GMDS: variants seen among roughly 807,000 people sequenced by gnomAD.
GMDS encodes GDP-mannose 4,6 dehydratase.
Under a neutral mutation model 49.9 loss-of-function variants are expected in GMDS, and 20 were observed. That is an observed-to-expected ratio of 0.40 (90% CI 0.28 to 0.58). The LOEUF (loss-of-function observed/expected upper bound fraction) is 0.58. GMDS is among the 20% of genes least tolerant of loss of function. GMDS has a pLI of 0.42. For missense variants in GMDS, 362 were observed against 481.4 expected (o/e 0.75, Z 2.32); for synonymous variants, 177 against 178.6 (o/e 0.99, Z 0.07).
intron 7 of GMDS, among the ~76,000 whole-genome samples, chr6:1,913,187 C>T (rs957753709): frequency 6.6e-6 from 1 of 151,590 alleles, no homozygotes; most frequent in African/African-American, 2.4e-5. Context: ...CGAGACCATC[C>T]CGGCTAAAAC....
rs541433271 is a variant in GMDS, at chr6:2,067,284, T to C, written c.345+48487A>G. Among the ~76,000 whole-genome samples, 455 of 152,220 alleles carry C rather than the reference T, an allele frequency of 3.0e-3. 3 individuals carry two copies. The highest frequency in any genetic ancestry group is 5.4e-3 in the Non-Finnish European group (370 of 68,018). On this transcript the variant is annotated intron_variant, in intron 4 of 10. Transcript: ENST00000380815. ...AAAGCAGTATGTAGAGGGAAATTTA[T>C]AGCACTAAATGCCCACAAGAGAAAG...
intron 4 of GMDS, among the ~76,000 whole-genome samples, chr6:1,987,270 AC>A (rs1765607594): frequency 6.7e-6 from 1 of 148,922 alleles, no homozygotes; most frequent in African/African-American, 2.5e-5. Context: ...AATTTTTAAA[AC>A]CTTTTTTCAA....
intron 7 of GMDS, among the ~76,000 whole-genome samples, chr6:1,900,319 G>A (rs532006539): frequency 1.3e-5 from 2 of 152,262 alleles, no homozygotes; most frequent in South Asian, 2.1e-4. Context: ...ATCATGCAGA[G>A]TCTACAGTGA....
chr6:1,698,085 C>T (rs927839589), intron 9 of GMDS, among the ~76,000 whole-genome samples: 10 of 152,192 alleles, frequency 6.6e-5, no homozygotes, highest in African/African-American at 1.9e-4. Flanking sequence ...CAAAGAGGAG[C>T]GCCGCCCAGC....
intron 4 of GMDS, among the ~76,000 whole-genome samples, chr6:2,079,686 G>C (rs1226672143): frequency 6.6e-6 from 1 of 152,056 alleles, no homozygotes; most frequent in Non-Finnish European, 1.5e-5. Context: ...GCCTGATAAG[G>C]TTTTCTTTAC....
At chr6:2,218,989 T>C (rs970534607) in intron 1 of GMDS, among the ~76,000 whole-genome samples, 9 of 152,072 alleles carry the variant, frequency 5.9e-5, no homozygotes, top group East Asian at 3.9e-4. Flanking sequence ...TCTGGCTACT[T>C]GGGAGGTTGA....
At chr6:1,786,838 T>C (rs1365401798) in intron 7 of GMDS, among the ~76,000 whole-genome samples, 1 of 151,944 alleles carries the variant, frequency 6.6e-6, no homozygotes, top group African/African-American at 2.4e-5. Context: ...AAAACTATGA[T>C]TACAGTGGAA....
intron 1 of GMDS, among the ~76,000 whole-genome samples, chr6:2,221,791 AAAAC>A (rs1443915861): frequency 6.6e-6 from 1 of 152,226 alleles, no homozygotes; most frequent in African/African-American, 2.4e-5. Context: ...AAGCAAAAAG[AAAAC>A]AAACAACAAC....
chr6:1,681,710 C>T (rs1158889236), intron 9 of GMDS, among the ~76,000 whole-genome samples: 1 of 152,236 alleles, frequency 6.6e-6, no homozygotes, highest in Non-Finnish European at 1.5e-5. Flanking sequence ...CAAAACACCA[C>T]TCAGTGTGTC....
intron 6 of GMDS, among the ~76,000 whole-genome samples, chr6:1,955,748 A>C (rs1033962580): frequency 3.3e-5 from 5 of 152,080 alleles, no homozygotes; most frequent in African/African-American, 4.8e-5. Flanking sequence ...AGAAAACCTA[A>C]ATAAATAAAT....
intron 7 of GMDS, among the ~76,000 whole-genome samples, chr6:1,753,645 C>A (rs1387742952): frequency 2.0e-5 from 3 of 152,184 alleles, no homozygotes; most frequent in Non-Finnish European, 4.4e-5. Context: ...GAAGTAAACA[C>A]TCCTCAGCAA....
intron 1 of GMDS, among the ~76,000 whole-genome samples, chr6:2,127,477 G>C (rs576069898): frequency 2.6e-5 from 4 of 152,104 alleles, no homozygotes; most frequent in South Asian, 4.2e-4. Flanking sequence ...ATTATTTAGA[G>C]AGCTGATGTG....
intron 4 of GMDS, among the ~76,000 whole-genome samples, chr6:1,993,441 G>A (rs1186295683): frequency 6.6e-6 from 1 of 152,124 alleles, no homozygotes; most frequent in Admixed American, 6.5e-5. Context: ...TTCCACATGT[G>A]TATGGACAAC....
chr6:2,157,441 C>A (rs1777164382), intron 1 of GMDS, among the ~76,000 whole-genome samples: 1 of 152,202 alleles, frequency 6.6e-6, no homozygotes, highest in Non-Finnish European at 1.5e-5. Context: ...AGCCAGGAAA[C>A]AAGTAAGTGG....
chr6:1,675,590 TG>T (rs1561719175), intron 9 of GMDS, among the ~76,000 whole-genome samples: 1 of 152,124 alleles, frequency 6.6e-6, no homozygotes, highest in African/African-American at 2.4e-5. Flanking sequence ...CGGTGGCTCA[TG>T]CCTGTAATCC....
chr6:2,144,561 A>T (rs1776459252), intron 1 of GMDS, among the ~76,000 whole-genome samples: 1 of 152,142 alleles, frequency 6.6e-6, no homozygotes, highest in South Asian at 2.1e-4. Flanking sequence ...GCAAGGGAAT[A>T]CTGCTTCCTG....
chr6:2,203,492 C>CA (rs1779645157), intron 1 of GMDS, among the ~76,000 whole-genome samples: 1 of 148,590 alleles, frequency 6.7e-6, no homozygotes, highest in Non-Finnish European at 1.5e-5. Context: ...TATTCTTAGA[C>CA]AAAATGCCAA....
At chr6:1,812,965 G>T (rs1259212958) in intron 7 of GMDS, among the ~76,000 whole-genome samples, 1 of 152,108 alleles carries the variant, frequency 6.6e-6, no homozygotes, top group Non-Finnish European at 1.5e-5. Flanking sequence ...GCTCATGCCT[G>T]TAATCCCAGA....
chr6:2,213,875 A>G (rs6909871), intron 1 of GMDS, among the ~76,000 whole-genome samples: 6,217 of 152,310 alleles, frequency 0.041, 419 homozygotes, highest in African/African-American at 0.14. Context: ...GGCAACAACT[A>G]AAACAAGTAC....
Sources: allele counts gnomAD v4.1 joint callset (sites outside exome capture counted in the v4.1 genomes callset), GRCh38; gene constraint gnomAD v4.1.1; transcripts MANE v1.5; gene names NCBI Gene and HGNC (gene_info 2026-07-23, HGNC 2026-07-21).